Variants in MEGF10 observed in about 807,000 individuals in gnomAD.
MEGF10 encodes multiple EGF like domains 10.
A neutral mutation model predicts 147.5 loss-of-function variants in MEGF10; 86 were observed. The observed-to-expected ratio is 0.58, with a 90% CI of 0.49 to 0.70. The LOEUF is 0.70. MEGF10 is among the 30% of genes least tolerant of loss of function. The pLI, the probability that MEGF10 is intolerant of heterozygous loss-of-function variation, is 0.00. For missense variants in MEGF10, 1,329 were observed against 1,487.3 expected, an observed-to-expected ratio of 0.89 and a Z score of 1.75; for synonymous variants, 478 against 525.5, an observed-to-expected ratio of 0.91 and a Z score of 1.24.
the MEGF10 span, among the ~76,000 whole-genome samples, chr5:127,232,812 C>T: frequency 1.3e-5 from 2 of 151,904 alleles, no homozygotes; most frequent in Non-Finnish European, 2.9e-5. Context: ...TCCAAGCAAA[C>T]ACAGAGGCAG....
intron 1 of MEGF10, among the ~76,000 whole-genome samples, chr5:127,301,335 T>G (rs1029985483): frequency 6.6e-6 from 1 of 152,176 alleles, no homozygotes; most frequent in Non-Finnish European, 1.5e-5. Context: ...GATAGAACAT[T>G]CCAGCTTGCT....
chr5:127,402,462 A>C, intron 7 of MEGF10, 84 bp from the exon 8 acceptor site: 1 of 1,456,780 alleles, frequency 6.9e-7, no homozygotes, highest in Non-Finnish European at 9.3e-7. Flanking sequence ...CCTCCTTTCT[A>C]TTTCCTCTCT....
chr5:127,442,726 T>C (rs1765800541), intron 18 of MEGF10, among the ~76,000 whole-genome samples: 1 of 152,224 alleles, frequency 6.6e-6, no homozygotes, highest in African/African-American at 2.4e-5. Context: ...ACTCTCCATA[T>C]ACACATCATA....
chr5:127,309,994 T>TTTCTTTCCTTCC (rs781685715), intron 1 of MEGF10, among the ~76,000 whole-genome samples: 28 of 56,864 alleles, frequency 4.9e-4, no homozygotes, highest in African/African-American at 5.5e-4. Context: ...TCTTTCTTTC[T>TTTCTTTCCTTCC]TTCCTTCCTT....
At chr5:127,392,254 G>T (rs1397026835) in intron 5 of MEGF10, among the ~76,000 whole-genome samples, 5 of 152,140 alleles carry the variant, frequency 3.3e-5, no homozygotes, top group Non-Finnish European at 7.4e-5. Flanking sequence ...TAGTACAATA[G>T]CAGAGAGAAT....
chr5:127,244,958 A>G, the MEGF10 span, among the ~76,000 whole-genome samples: 4 of 152,228 alleles, frequency 2.6e-5, no homozygotes, highest in African/African-American at 9.6e-5. Context: ...ATAGGAGAGG[A>G]CACAAACAAA....
the MEGF10 span, among the ~76,000 whole-genome samples, chr5:127,262,138 C>T: frequency 1.3e-5 from 2 of 151,942 alleles, no homozygotes; most frequent in Admixed American, 6.6e-5. Flanking sequence ...CCTGTAATTC[C>T]TTTTGCTGCT....
intron 4 of MEGF10, among the ~76,000 whole-genome samples, chr5:127,344,814 C>T (rs1761820369): frequency 6.6e-6 from 1 of 152,176 alleles, no homozygotes; most frequent in Admixed American, 6.5e-5. Flanking sequence ...ATAGATCTTA[C>T]ACATGCGGTG....
chr5:127,395,294 C>T (rs1488538444), intron 5 of MEGF10, among the ~76,000 whole-genome samples: 6 of 151,914 alleles, frequency 3.9e-5, no homozygotes, highest in Admixed American at 1.3e-4. Context: ...GTATTGCAGC[C>T]GCTCTTTCTT....
intron 13 of MEGF10, 68 bp from the exon 14 acceptor site, chr5:127,433,295 A>G: frequency 6.2e-7 from 1 of 1,600,544 alleles, no homozygotes; most frequent in Non-Finnish European, 8.5e-7. Context: ...GTCCTCATCT[A>G]TGAATTAGCA....
rs1000551685 is a variant in MEGF10 at position 127,395,479 on chromosome 5, C to CT, written c.413-1045dup. 1.6e-4 allele frequency among the ~76,000 whole-genome samples: 24 copies of CT among 148,724 alleles called. No individual in the cohort carries two copies. In the South Asian group the frequency reaches 3.0e-3, roughly 18 times the overall value. On this transcript the variant is annotated intron_variant, in intron 5 of 24. Coordinates refer to ENST00000503335, the MANE Select transcript of MEGF10 (RefSeq NM_001256545.2). ...AGCATATTTGTCCATTTTTTCTGCCCTTTTTTTTGGTCAGTAATTCAGATT... is the reference window on the plus strand; with the variant it reads ...AGCATATTTGTCCATTTTTTCTGCCCTTTTTTTTTGGTCAGTAATTCAGATT...
chr5:127,370,235 T>C (rs559661017), intron 5 of MEGF10, among the ~76,000 whole-genome samples: 2 of 152,248 alleles, frequency 1.3e-5, no homozygotes, highest in African/African-American at 2.4e-5. Flanking sequence ...TCAGTGATCA[T>C]ACAACAGCTC....
Position 127,434,019 on chromosome 5 carries a change from A to G in MEGF10, c.1840+510A>G, listed in dbSNP as rs184369917. ...TTGGTCCTTAAGACTTCTGAGTTAG[A>G]AGATTAAGTAATCTTTTAGTAAATG... On this transcript the variant is annotated intron_variant, in intron 14 of 24. Transcript: ENST00000503335. Among the ~76,000 whole-genome samples, 435 of 152,370 alleles carry G rather than the reference A, an allele frequency of 2.9e-3. 4 individuals are homozygous for G. The highest frequency in any genetic ancestry group is 1.0e-2 in the African/African-American group (414 of 41,596).
intron 4 of MEGF10, among the ~76,000 whole-genome samples, chr5:127,362,368 A>T (rs111636703): frequency 2.4e-3 from 362 of 150,558 alleles, no homozygotes; most frequent in African/African-American, 8.3e-3. Flanking sequence ...CTTAAAAAAA[A>T]ATTATTATTT....
chr5:127,369,053 T>C (rs986231523), intron 4 of MEGF10, among the ~76,000 whole-genome samples: 12 of 152,170 alleles, frequency 7.9e-5, no homozygotes, highest in African/African-American at 2.4e-4. Context: ...AAAATGCATC[T>C]CTAAAGTACA....
chr5:127,232,148 G>T, the MEGF10 span, among the ~76,000 whole-genome samples: 3 of 152,082 alleles, frequency 2.0e-5, no homozygotes, highest in East Asian at 5.8e-4. Context: ...ATTTTTATTT[G>T]CACATTTTCT....
At chr5:127,246,472 G>T in the MEGF10 span, among the ~76,000 whole-genome samples, 1 of 151,976 alleles carries the variant, frequency 6.6e-6, no homozygotes. Context: ...GGAGCAAGGG[G>T]AGGGATAGCA....
At chr5:127,236,758 G>A in the MEGF10 span, among the ~76,000 whole-genome samples, 1 of 152,188 alleles carries the variant, frequency 6.6e-6, no homozygotes, top group Non-Finnish European at 1.5e-5. Flanking sequence ...TTTGAACTGA[G>A]TTTATGCTTC....
At chr5:127,427,949 G>C (rs968242576) in intron 13 of MEGF10, among the ~76,000 whole-genome samples, 1 of 152,080 alleles carries the variant, frequency 6.6e-6, no homozygotes, top group Non-Finnish European at 1.5e-5. Context: ...GTATATGTCT[G>C]TCTGTTTGGT....
Sources: allele counts gnomAD v4.1 joint callset (sites outside exome capture counted in the v4.1 genomes callset), GRCh38; gene constraint gnomAD v4.1.1; transcripts MANE v1.5; gene names NCBI Gene and HGNC (gene_info 2026-07-23, HGNC 2026-07-21).